The following ZNF875 variants were observed in gnomAD, a reference collection of about 807,000 sequenced individuals.
ZNF875 encodes the protein HKR1, GLI-Kruppel zinc finger family member.
In ZNF875, 14 loss-of-function variants were observed where a neutral mutation model predicts 11.2. That is an observed-to-expected ratio of 1.26 (90% CI 0.83 to 1.96). The LOEUF (loss-of-function observed/expected upper bound fraction) is 1.96, where lower values mean the gene tolerates loss of function less well. ZNF875 is among the 30% of genes most tolerant of loss of function. The pLI, the probability that ZNF875 is intolerant of heterozygous loss-of-function variation, is 0.00. For synonymous variants in ZNF875, 301 were observed against 281.1 expected (o/e 1.07, Z -0.71); for missense variants, 752 against 760.4 (o/e 0.99, Z 0.13).
At chr19:37,359,694 G>C (rs1164708642) in intron 4 of ZNF875, 3 of 224,414 alleles carry the variant, frequency 1.3e-5, no homozygotes, top group Admixed American at 5.7e-5. Flanking sequence ...GAGCCACCAT[G>C]CCTGGCCCTT....
chr19:37,363,203 G>A lies in ZNF875; in HGVS notation c.1351G>A (p.Val451Ile). 6.2e-7 allele frequency: 1 copy of A among 1,612,868 alleles called. No individual in the cohort carries two copies. The highest frequency in any genetic ancestry group is 1.1e-5 in the South Asian group (1 of 90,994). The change falls in exon 5 of 5, where the codon GTC (valine) becomes ATC (isoleucine). Residue 451 changes from valine to isoleucine, a missense_variant. By Grantham distance (29) the Val-to-Ile change is conservative. Transcript: ENST00000392153. Reference protein sequence around the residue: ...QRTHSGVKPYVCLECGQCFSL... With the variant: ...QRTHSGVKPYICLECGQCFSL... ...GACACACTCAGGGGTTAAACCTTAT[G>A]TCTGCCTGGAGTGCGGGCAGTGCTT...
At chr19:37,322,157 G>C (rs1453430107) in intron 1 of ZNF875, 1 of 152,056 alleles carries the variant, frequency 6.6e-6, no homozygotes, top group Non-Finnish European at 1.5e-5. Flanking sequence ...ATTTCCTTCT[G>C]TTTGTGCTGA....
intron 4 of ZNF875, 141 bp downstream of exon 4, chr19:37,348,013 C>T (rs867674145): frequency 1.3e-5 from 8 of 598,456 alleles, no homozygotes; most frequent in South Asian, 1.2e-4. Context: ...GTCTTCTTTC[C>T]GGAACATAAT....
At chr19:37,344,523 A>T (rs2036390625) in intron 2 of ZNF875, 1 of 625,544 alleles carries the variant, frequency 1.6e-6, no homozygotes, top group African/African-American at 1.8e-5. Context: ...CCATCTTACA[A>T]ATGACGAAGT....
At chr19:37,355,265 C>T (rs1417966187) in intron 4 of ZNF875, among the ~76,000 whole-genome samples, 1 of 152,202 alleles carries the variant, frequency 6.6e-6, no homozygotes, top group African/African-American at 2.4e-5. Flanking sequence ...TCTCGGCTCA[C>T]TGCAACCTCC....
Position 37,348,805 on chromosome 19 carries a change from A to G in ZNF875, c.256+933A>G, listed in dbSNP as rs117519141. Among the ~76,000 whole-genome samples, 5 of 152,328 alleles carry G rather than the reference A, an allele frequency of 3.3e-5. No homozygotes were observed. In the East Asian group the frequency reaches 9.6e-4, roughly 29 times the overall value. On this transcript the variant is annotated intron_variant, in intron 4 of 4. Coordinates refer to ENST00000392153, the MANE Select transcript of ZNF875 (RefSeq NM_001353803.2). Reference sequence around the variant, plus strand: ...GTTTATCTAGGATATGTACCTAGGAATAGGACAGCTGAGTAAAAGAATATG... The same window carrying G: ...GTTTATCTAGGATATGTACCTAGGAGTAGGACAGCTGAGTAAAAGAATATG...
At chr19:37,314,011 T>TTTTA (rs976269313), upstream of ZNF875, among the ~76,000 whole-genome samples, 26 of 152,132 alleles carry the variant, frequency 1.7e-4, no homozygotes, top group Admixed American at 9.2e-4. Flanking sequence ...GGATGTGGGT[T>TTTTA]TTTATTTATT....
intron 4 of ZNF875, among the ~76,000 whole-genome samples, chr19:37,356,426 GTTTT>G (rs1334474393): frequency 6.6e-6 from 1 of 151,978 alleles, no homozygotes; most frequent in Non-Finnish European, 1.5e-5. Context: ...ACTAACATCT[GTTTT>G]TTTGTTTGTT....
chr19:37,347,715 G>A (rs2037080363), intron 3 of ZNF875, 62 bp from the exon 4 acceptor site: 2 of 1,038,728 alleles, frequency 1.9e-6, no homozygotes, highest in Non-Finnish European at 3.0e-6. Flanking sequence ...TCAGCTCTGA[G>A]TTCTAGAATG....
In ZNF875 at chr19:37,325,218, T is replaced by C. The variant is rs1247427542; in HGVS notation, c.-603+953T>C. Among the ~76,000 whole-genome samples the C allele has an allele frequency of 2.0e-5, 3 of 152,300 alleles. No homozygotes were observed. The East Asian group carries it at 5.8e-4, about 29-fold the overall frequency. ...AGCCATGCTACTCTCCTGCTGTGCA[T>C]AGATGGGGGCCCGTCCACACCCGAA... On this transcript the variant is annotated intron_variant, in intron 4 of 5. Transcript: ENST00000544914.
chr19:37,362,895 G>A lies in ZNF875; in HGVS notation c.1043G>A (p.Ser348Asn). 6.2e-7 allele frequency: 1 copy of A among 1,614,136 alleles called. No homozygotes were observed. The highest frequency in any genetic ancestry group is 1.1e-5 in the South Asian group (1 of 91,086). Reference sequence around the variant, plus strand: ...TGCAAGGAATGTGGGCAGAGCTTTAGCCTGAAGTCAAACCTCATTACCCAC... The same window carrying A: ...TGCAAGGAATGTGGGCAGAGCTTTAACCTGAAGTCAAACCTCATTACCCAC... ...YVCKECGQSF[S>N]LKSNLITHQR... The change falls in exon 5 of 5, where the codon AGC (serine) becomes AAC (asparagine). Residue 348 changes from serine (S) to asparagine (N), a missense_variant. By Grantham distance (46) the Ser-to-Asn change is conservative. Coordinates refer to ENST00000392153, the MANE Select transcript of ZNF875 (RefSeq NM_001353803.2).
At chr19:37,358,133 CTTT>C (rs35011906) in intron 4 of ZNF875, 496 of 85,486 alleles carry the variant, frequency 5.8e-3, no homozygotes, top group East Asian at 0.031. Flanking sequence ...TTAAGATGAT[CTTT>C]TTTTTTTTTT....
Position 37,345,331 on chromosome 19 carries a change from A to G in ZNF875, c.34-1859A>G, listed in dbSNP as rs574776468. Among the ~76,000 whole-genome samples the G allele has an allele frequency of 1.1e-4, 17 of 151,794 alleles. No homozygotes were observed. In the East Asian group the frequency reaches 3.3e-3, roughly 29 times the overall value. On this transcript the variant is annotated intron_variant, in intron 2 of 4. Coordinates refer to ENST00000392153, the MANE Select transcript of ZNF875 (RefSeq NM_001353803.2). ...GGACTGGCTGGGTTTGGGGACAGCT[A>G]TCGATATAACTGAGTGTAGGTAGAG... is the stretch of plus-strand genomic sequence containing the variant.
chr19:37,334,941 C>A (rs1305401656), intron 1 of ZNF875, 159 bp downstream of exon 1: 2 of 468,788 alleles, frequency 4.3e-6, no homozygotes, highest in South Asian at 3.8e-5. Context: ...TAGAGATAAA[C>A]CCTCACTCCG....
Position 37,363,004 on chromosome 19 carries a change from C to A in ZNF875, c.1152C>A (p.His384Gln). 1 of 1,614,204 alleles carries A rather than the reference C, an allele frequency of 6.2e-7. No homozygotes were observed. The highest frequency in any genetic ancestry group is 1.1e-5 in the South Asian group (1 of 91,078). Reference sequence around the variant, plus strand: ...GCCAGCATTCACACCTGGTCAGACACAAGAGGACACATTCAGGAGAGAAGC... The same window carrying A: ...GCCAGCATTCACACCTGGTCAGACAAAAGAGGACACATTCAGGAGAGAAGC... ...GFRQHSHLVR[H>Q]KRTHSGEKPY... The change falls in exon 5 of 5, where the codon CAC becomes CAA. Residue 384 changes from histidine to glutamine, a missense_variant. Physicochemically the swap from His to Gln is conservative, Grantham distance 24 (BLOSUM62 0). Coordinates refer to ENST00000392153, the MANE Select transcript of ZNF875 (RefSeq NM_001353803.2).
intron 4 of ZNF875, among the ~76,000 whole-genome samples, chr19:37,353,019 G>A (rs950168657): frequency 1.3e-4 from 19 of 150,996 alleles, no homozygotes; most frequent in East Asian, 3.9e-4. Flanking sequence ...GACTAGGGGC[G>A]CACGCTACTA....
chr19:37,356,605 C>T (rs2972600), intron 4 of ZNF875, among the ~76,000 whole-genome samples: 3,780 of 152,060 alleles, frequency 0.025, 83 homozygotes, highest in East Asian at 0.077. Flanking sequence ...TTTATGTTTG[C>T]TCCCTGTTTG....
chr19:37,345,447 G>C (rs1270216761), intron 2 of ZNF875, among the ~76,000 whole-genome samples: 2 of 152,200 alleles, frequency 1.3e-5, no homozygotes, highest in African/African-American at 4.8e-5. Context: ...GAAGGGTACA[G>C]TGTGGAATTA....
At position 37,361,924 on chromosome 19, in the gene ZNF875, A is replaced by C. The variant is rs200561760; in HGVS notation, c.257-185A>C. 762 of 468,600 alleles carry C rather than the reference A, an allele frequency of 1.6e-3. 2 individuals are homozygous for C. The African/African-American group carries it at 0.04, about 25-fold the overall frequency. 29.0% of individuals were successfully genotyped at this position (468,600 alleles called of 1,614,324 possible). ...AGAAAGACTCCGTTTAAAAAAAAAA[A>C]CAAAAAAACAAAAGAAAGTGTAATG... On this transcript the variant is annotated intron_variant, in intron 4 of 4. Transcript: ENST00000392153.
Sources: allele counts gnomAD v4.1 joint callset (sites outside exome capture counted in the v4.1 genomes callset), GRCh38; gene constraint gnomAD v4.1.1; transcripts MANE v1.5; gene names NCBI Gene and HGNC (gene_info 2026-07-23, HGNC 2026-07-21).